Variants in ACTN1 observed in about 807,000 individuals in gnomAD.
ACTN1 encodes the protein actinin alpha 1.
In ACTN1, 30 loss-of-function variants were observed where a neutral mutation model predicts 119.6. The observed-to-expected ratio is 0.25, with a 90% CI of 0.19 to 0.34. ACTN1 has a LOEUF of 0.34. ACTN1 is among the 10% of genes least tolerant of loss of function. The probability of loss-of-function intolerance (pLI) is 1.00; values close to 1 mark genes in which losing one functional copy is unlikely to be tolerated. For synonymous variants in ACTN1, 429 were observed against 472.6 expected (o/e 0.91, Z 1.20); for missense variants, 764 against 1,223.4 (o/e 0.62, Z 5.60).
In ACTN1 at chr14:68,880,962, G is replaced by A. The variant is rs1042207307; in HGVS notation, c.1981C>T (p.His661Tyr). The part of the protein sequence containing the change: ...EEIGRISIEM[H>Y]GTLEDQLSHL... The stretch of plus-strand genomic sequence containing the variant: ...CTGAGCTGGTCCTCCAGGGTCCCAT[G>A]CATCTCAATGGAGATCCTCCCGATC... Residue 661 changes from histidine (H) to tyrosine (Y), a missense_variant, in exon 17 of 22, where the codon CAT becomes TAT. By Grantham distance (83) the His-to-Tyr change is moderately conservative (BLOSUM62 2). Transcript: ENST00000394419. This position sits in a 1 kb window ranked among gnomAD's most constrained non-coding sequence, Gnocchi z 4.6. The A allele has an allele frequency of 1.9e-6, 3 of 1,614,008 alleles. No homozygotes were observed. The highest frequency in any genetic ancestry group is 2.7e-5 in the African/African-American group (2 of 74,900).
At chr14:68,962,737 T>C (rs550980084) in intron 1 of ACTN1, among the ~76,000 whole-genome samples, 1 of 152,372 alleles carries the variant, frequency 6.6e-6, no homozygotes, top group African/African-American at 2.4e-5. Context: ...CTCTTTCAAA[T>C]GACAGCCTGG....
Position 68,904,735 on chromosome 14 carries a change from T to C in ACTN1, c.596A>G (p.Asp199Gly). The change falls in exon 7 of 22, where the codon GAT (aspartate) becomes GGT (glycine). Residue 199 changes from aspartate to glycine, a missense_variant and splice_region_variant. Coordinates refer to ENST00000394419, the MANE Select transcript of ACTN1 (RefSeq NM_001130004.2). ...CGTATTCAGATTTGTGAGTGGATCA[T>C]CCTAGAGGGAGAAAAGGAGGAAGGG... is the stretch of plus-strand genomic sequence containing the variant. ...ELIDYGKLRK[D>G]DPLTNLNTAF... 6.2e-7 allele frequency: 1 copy of C among 1,612,670 alleles called. No homozygotes were observed. Among genetic ancestry groups the C allele is most frequent in the Non-Finnish European group, 8.5e-7 (1 of 1,178,848 alleles).
rs2031209260 is a variant in ACTN1, at chr14:68,878,904, GAC to G, written c.2361+83_2361+84del. 2 of 1,604,118 alleles carry G rather than the reference GAC, an allele frequency of 1.2e-6. No homozygotes were observed. The highest frequency in any genetic ancestry group is 4.5e-5 in the East Asian group (2 of 44,762). ...CCACAGGAGGGGGACAGGAGATCCAGACAGAGAGAAGAGAAAAAGGAAAAACG... is the reference window on the plus strand; with the variant it reads ...CCACAGGAGGGGGACAGGAGATCCAGAGAGAGAAGAGAAAAAGGAAAAACG... On this transcript the variant is annotated intron_variant, in intron 19 of 21. Transcript: ENST00000394419. The surrounding 1 kb of genome is among the most constrained non-coding windows in gnomAD (Gnocchi z 4.4).
At chr14:68,954,203 A>G (rs775600268) in intron 1 of ACTN1, among the ~76,000 whole-genome samples, 4 of 152,182 alleles carry the variant, frequency 2.6e-5, no homozygotes, top group Non-Finnish European at 4.4e-5. Flanking sequence ...AAGGCTGCAA[A>G]AATACTACAC....
rs1295250009 is a variant in ACTN1, at chr14:68,909,519, A to C, written c.516-123T>G. On this transcript the variant is annotated intron_variant, in intron 5 of 21. Coordinates refer to ENST00000394419, the MANE Select transcript of ACTN1 (RefSeq NM_001130004.2). This position sits in a 1 kb window ranked among gnomAD's most constrained non-coding sequence, Gnocchi z 4.1. ...AACACATAGAGCTTTCTGGGGTAGG[A>C]GTTAGAAGACAGGATGGGAAGGGAC... is the stretch of plus-strand genomic sequence containing the variant. The C allele has an allele frequency of 4.6e-6, 4 of 862,228 alleles. No individual in the cohort carries two copies. Among genetic ancestry groups the C allele is most frequent in the Non-Finnish European group, 7.5e-6 (4 of 536,212 alleles). 53.4% of individuals were successfully genotyped at this position (862,228 alleles called of 1,614,324 possible).
At chr14:68,950,445 A>C (rs8015911) in intron 1 of ACTN1, among the ~76,000 whole-genome samples, 35,399 of 104,846 alleles carry the variant, frequency 0.34, 5,014 homozygotes, top group African/African-American at 0.45. Context: ...CTTTTACCAT[A>C]ATATATATGC....
chr14:68,921,309 AG>A (rs1313032741), intron 2 of ACTN1, 184 bp from the exon 3 acceptor site: 8 of 630,680 alleles, frequency 1.3e-5, no homozygotes, highest in Non-Finnish European at 1.7e-5. Flanking sequence ...AGGGAATGAG[AG>A]GGAGAATCTA....
Position 68,925,828 on chromosome 14 carries a change from C to T in ACTN1, c.106-156G>A. On this transcript the variant is annotated intron_variant, in intron 1 of 21. Transcript: ENST00000394419. This position sits in a 1 kb window ranked among gnomAD's most constrained non-coding sequence, Gnocchi z 4.3. ...ACCATGGTCTCATTCACTGCATCAA[C>T]CAAGCACTGAGCTACCCACAGGGCA... Among the ~76,000 whole-genome samples, 1 of 152,166 alleles carries T rather than the reference C, an allele frequency of 6.6e-6. No homozygotes were observed. The highest frequency in any genetic ancestry group is 1.5e-5 in the Non-Finnish European group (1 of 68,026).
chr14:68,925,727 T>G lies in ACTN1; in HGVS notation c.106-55A>C, dbSNP rs2034890364. ...AGGGGGCTGGTGTTGTCACCCTCAT[T>G]GGACAAGCCATTTAATGGTGCCAGG... is the stretch of plus-strand genomic sequence containing the variant. On this transcript the variant is annotated intron_variant, in intron 1 of 21. Transcript: ENST00000394419. The surrounding 1 kb of genome is among the most constrained non-coding windows in gnomAD (Gnocchi z 4.3). 5.5e-6 allele frequency: 8 copies of G among 1,458,528 alleles called. No homozygotes were observed. The South Asian group carries it at 9.5e-5, about 17-fold the overall frequency. The allele number at this position is 1,458,528 out of a possible 1,614,324, so 90.3% of individuals were successfully genotyped here. A position where few individuals can be genotyped will look rare whatever the true frequency, so the allele number is the denominator to read the frequency against.
chr14:68,904,003 G>A (rs941964296), intron 7 of ACTN1, among the ~76,000 whole-genome samples: 17 of 152,110 alleles, frequency 1.1e-4, no homozygotes, highest in African/African-American at 3.4e-4. Flanking sequence ...AGGCCTTGGT[G>A]AGGAACAGAA....
Position 68,874,990 on chromosome 14 carries a change from G to A in ACTN1, c.2614C>T (p.Arg872Cys), listed in dbSNP as rs148344567. 8.9e-5 allele frequency: 143 copies of A among 1,613,526 alleles called. No homozygotes were observed. The highest frequency in any genetic ancestry group is 1.2e-4 in the Non-Finnish European group (138 of 1,180,012). Residue 872 changes from arginine (R) to cysteine (C), a missense_variant, in exon 22 of 22, where the codon CGC (arginine) becomes TGC (cysteine). Transcript: ENST00000394419. ...KNYITMDELR[R>C]ELPPDQAEYC... ...TCAGCCTGGTCGGGTGGCAGCTCGC[G>A]GCGCAGCTCGTCCATGGTAATGTAG... is the stretch of plus-strand genomic sequence containing the variant.
intron 1 of ACTN1, among the ~76,000 whole-genome samples, chr14:68,932,508 C>T (rs1378797901): frequency 1.4e-5 from 2 of 144,198 alleles, no homozygotes; most frequent in African/African-American, 2.6e-5. Flanking sequence ...GACTAATACA[C>T]CCAGCTTTTT....
At chr14:68,889,959 A>T (rs1312319428) in intron 11 of ACTN1, among the ~76,000 whole-genome samples, 180 bp downstream of exon 11, 1 of 152,206 alleles carries the variant, frequency 6.6e-6, no homozygotes, top group Non-Finnish European at 1.5e-5. Context: ...TATTATTCCC[A>T]CTTTACAGAT....
In ACTN1 at chr14:68,878,267, G is replaced by T; in HGVS notation, c.2427+191C>A. 2.8e-6 allele frequency: 2 copies of T among 718,842 alleles called. No individual in the cohort carries two copies. The highest frequency in any genetic ancestry group is 4.3e-6 in the Non-Finnish European group (2 of 463,450). 44.5% of individuals were successfully genotyped at this position (718,842 alleles called of 1,614,324 possible). A position where few individuals can be genotyped will look rare whatever the true frequency, so the allele number is the denominator to read the frequency against. On this transcript the variant is annotated intron_variant, in intron 20 of 21. Transcript: ENST00000394419. This position sits in a 1 kb window ranked among gnomAD's most constrained non-coding sequence, Gnocchi z 4.4. ...TTGAGGCGAGGAGGTCAGGCCTCCC[G>T]GATACACACACGCCCGTGGCCGGGC...
chr14:68,905,023 G>A (rs1239480651), intron 6 of ACTN1, among the ~76,000 whole-genome samples: 2 of 152,212 alleles, frequency 1.3e-5, no homozygotes, highest in East Asian at 1.9e-4. Flanking sequence ...CCTAAGAAAC[G>A]TGTGCCAAGG....
intron 1 of ACTN1, among the ~76,000 whole-genome samples, chr14:68,955,909 T>C (rs1263815749): frequency 1.3e-5 from 2 of 152,246 alleles, no homozygotes; most frequent in African/African-American, 2.4e-5. Context: ...GAAGAAATAC[T>C]TGATTCACAT....
At position 68,882,922 on chromosome 14, in the gene ACTN1, T is replaced by C. The variant is rs762709684; in HGVS notation, c.1769A>G (p.Asn590Ser). The C allele has an allele frequency of 6.2e-7, 1 of 1,613,976 alleles. No homozygotes were observed. The highest frequency in any genetic ancestry group is 8.5e-7 in the Non-Finnish European group (1 of 1,180,000). The change falls in exon 15 of 22, where the codon AAC becomes AGC. Residue 590 changes from asparagine to serine, a missense_variant. Coordinates refer to ENST00000394419, the MANE Select transcript of ACTN1 (RefSeq NM_001130004.2). The surrounding 1 kb of genome is among the most constrained non-coding windows in gnomAD (Gnocchi z 4.5). ...QTYHVNMAGT[N>S]PYTTITPQEI... ...CTGAGGCGTGATGGTTGTGTAGGGGTTGGTGCCCGCCATATTGACGTGGTA... is the reference window on the plus strand; with the variant it reads ...CTGAGGCGTGATGGTTGTGTAGGGGCTGGTGCCCGCCATATTGACGTGGTA...
chr14:68,903,464 G>A (rs1177443367), intron 7 of ACTN1, among the ~76,000 whole-genome samples: 2 of 151,794 alleles, frequency 1.3e-5, no homozygotes, highest in African/African-American at 4.8e-5. Flanking sequence ...TTGAACCCAG[G>A]AGGCGGAGGT....
chr14:68,878,406 G>T lies in ACTN1; in HGVS notation c.2427+52C>A. ...CCACTCCTGGGACTTGGCTGCTCCC[G>T]CCAGCTGGCTGCCTTCTCACCAGGG... On this transcript the variant is annotated intron_variant, in intron 20 of 21. Coordinates refer to ENST00000394419, the MANE Select transcript of ACTN1 (RefSeq NM_001130004.2). This position sits in a 1 kb window ranked among gnomAD's most constrained non-coding sequence, Gnocchi z 4.4. 1 of 1,519,804 alleles carries T rather than the reference G, an allele frequency of 6.6e-7. No individual in the cohort carries two copies. The highest frequency in any genetic ancestry group is 8.8e-7 in the Non-Finnish European group (1 of 1,135,870). The allele number at this position is 1,519,804 out of a possible 1,614,324, so 94.1% of individuals were successfully genotyped here.
Sources: allele counts gnomAD v4.1 joint callset (sites outside exome capture counted in the v4.1 genomes callset), GRCh38; gene constraint gnomAD v4.1.1; non-coding constraint Gnocchi (gnomAD v3.1); transcripts MANE v1.5; gene names NCBI Gene and HGNC (gene_info 2026-07-23, HGNC 2026-07-21).